The following IGSF9B variants were observed in gnomAD, a reference collection of about 807,000 sequenced individuals.
The protein encoded by IGSF9B is immunoglobulin superfamily member 9B, also known as protein turtle homolog B.
Under a neutral mutation model 143.7 loss-of-function variants are expected in IGSF9B, and 48 were observed. That is an observed-to-expected ratio of 0.33 (90% CI 0.26 to 0.42). The LOEUF is 0.42. Ranked by LOEUF, IGSF9B falls within the 20% of genes least tolerant of loss-of-function variation. The pLI is 1.00. For missense variants in IGSF9B, 1,706 were observed against 1,980.0 expected, an observed-to-expected ratio of 0.86 and a Z score of 2.63; for synonymous variants, 903 against 833.1, an observed-to-expected ratio of 1.08 and a Z score of -1.44.
rs1229883728 is a variant in IGSF9B, at chr11:133,900,090, C to T, written c.*8979G>A. 8.5e-6 allele frequency: 1 copy of T among 117,118 alleles called. No homozygotes were observed. The highest frequency in any genetic ancestry group is 2.1e-5 in the Non-Finnish European group (1 of 48,092). The allele number at this position is 117,118 out of a possible 1,614,324, so 7.3% of individuals were successfully genotyped here. A position where few individuals can be genotyped will look rare whatever the true frequency, so the allele number is the denominator to read the frequency against. ...GTCCATGTAAGGATCAAGAGTTAGA[C>T]TCAAGCTTTACCCCAACCTACTCTT... is the stretch of plus-strand genomic sequence containing the variant. On this transcript the variant is annotated 3_prime_UTR_variant, in exon 20 of 20. Coordinates refer to ENST00000533871, the MANE Select transcript of IGSF9B (RefSeq NM_001277285.4).
At chr11:133,927,515 C>A (rs540525457) in intron 12 of IGSF9B, among the ~76,000 whole-genome samples, 7 of 152,308 alleles carry the variant, frequency 4.6e-5, no homozygotes, top group African/African-American at 1.7e-4. Flanking sequence ...CACACACCCC[C>A]AGGGACAGCT....
chr11:133,911,989 G>T lies in IGSF9B; in HGVS notation c.4002C>A (p.Pro1334=), dbSNP rs1042537013. ...LPTSGTLPPA[P]GNAAAPERLE... ...GCCTCTCAGGCGCAGCAGCGTTCCC[G>T]GGTGCAGGTGGAAGTGTTCTGGAAA... is the stretch of plus-strand genomic sequence containing the variant. Residue 1334 remains proline (P), a synonymous_variant, in exon 19 of 20, where the codon CCC becomes CCA. Coordinates refer to ENST00000533871, the MANE Select transcript of IGSF9B (RefSeq NM_001277285.4). 1.1e-5 allele frequency: 17 copies of T among 1,530,528 alleles called. No individual in the cohort carries two copies. In the East Asian group the frequency reaches 3.2e-4, roughly 29 times the overall value. 94.8% of individuals were successfully genotyped at this position (1,530,528 alleles called of 1,614,324 possible). A position where few individuals can be genotyped will look rare whatever the true frequency, so the allele number is the denominator to read the frequency against.
At position 133,906,092 on chromosome 11, in the gene IGSF9B, G is replaced by A. The variant is rs1939207135; in HGVS notation, c.*2977C>T. ...GCAAGGCCGCCAGACCGTAAAAGGGGAAGTTTGGAAGGCGTGATCTCCTAC... is the reference window on the plus strand; with the variant it reads ...GCAAGGCCGCCAGACCGTAAAAGGGAAAGTTTGGAAGGCGTGATCTCCTAC... On this transcript the variant is annotated 3_prime_UTR_variant, in exon 20 of 20. Coordinates refer to ENST00000533871, the MANE Select transcript of IGSF9B (RefSeq NM_001277285.4). Among the ~76,000 whole-genome samples, 1 of 152,234 alleles carries A rather than the reference G, an allele frequency of 6.6e-6. No individual in the cohort carries two copies. Among genetic ancestry groups the A allele is most frequent in the Admixed American group, 6.5e-5 (1 of 15,286 alleles).
chr11:133,941,810 T>C (rs557919883), intron 3 of IGSF9B, among the ~76,000 whole-genome samples: 1 of 152,276 alleles, frequency 6.6e-6, no homozygotes, highest in East Asian at 1.9e-4. Context: ...AGCACGCTTG[T>C]CCACTCTGGC....
chr11:133,915,678 G>A (rs527672840), intron 18 of IGSF9B, among the ~76,000 whole-genome samples: 1 of 152,326 alleles, frequency 6.6e-6, no homozygotes, highest in Admixed American at 6.5e-5. Flanking sequence ...GTGGAGGCAA[G>A]CCTCAGGACA....
At position 133,929,795 on chromosome 11, in the gene IGSF9B, T is replaced by C. The variant is rs2121307382; in HGVS notation, c.1520-13A>G. Reference sequence around the variant, plus strand: ...TGGGGGCTGGTGCCTGGAGATCAAGTGGAGACCTCTCAGACTGAAAAGAAC... The same window carrying C: ...TGGGGGCTGGTGCCTGGAGATCAAGCGGAGACCTCTCAGACTGAAAAGAAC... On this transcript the variant is annotated splice_polypyrimidine_tract_variant and intron_variant, in intron 11 of 19. Transcript: ENST00000533871. The C allele has an allele frequency of 6.3e-7, 1 of 1,576,370 alleles. No individual in the cohort carries two copies. The highest frequency in any genetic ancestry group is 2.2e-5 in the East Asian group (1 of 44,672).
At chr11:133,947,423 C>G (rs915558476) in intron 1 of IGSF9B, among the ~76,000 whole-genome samples, 1 of 152,228 alleles carries the variant, frequency 6.6e-6, no homozygotes, top group Non-Finnish European at 1.5e-5. Flanking sequence ...CCTTCTGGTC[C>G]CAGGCCGGGC....
intron 1 of IGSF9B, among the ~76,000 whole-genome samples, chr11:133,952,771 G>A (rs2121352134): frequency 6.7e-6 from 1 of 149,760 alleles, no homozygotes; most frequent in East Asian, 1.9e-4. Context: ...GAACATGTGT[G>A]TATGCGCACA....
At chr11:133,910,182 G>A (rs1044697829) in intron 19 of IGSF9B, among the ~76,000 whole-genome samples, 2 of 152,294 alleles carry the variant, frequency 1.3e-5, no homozygotes, top group South Asian at 4.1e-4. Flanking sequence ...GTTTTAATCA[G>A]AAGTGTGTGT....
chr11:133,915,373 A>T (rs2121276374), intron 18 of IGSF9B, among the ~76,000 whole-genome samples: 1 of 144,550 alleles, frequency 6.9e-6, no homozygotes, highest in East Asian at 2.1e-4. Flanking sequence ...AGCTCAGATG[A>T]TCTTCCCACC....
At chr11:133,951,110 C>T (rs1240247879) in intron 1 of IGSF9B, among the ~76,000 whole-genome samples, 6 of 152,244 alleles carry the variant, frequency 3.9e-5, no homozygotes, top group South Asian at 2.1e-4. Context: ...GGGAGGCACA[C>T]GCCCAGAGGA....
intron 17 of IGSF9B, among the ~76,000 whole-genome samples, chr11:133,921,805 T>G (rs1591712838): frequency 6.6e-6 from 1 of 152,068 alleles, no homozygotes; most frequent in Non-Finnish European, 1.5e-5. Context: ...TTCATTCCCC[T>G]CTTTTCAAGA....
intron 1 of IGSF9B, chr11:133,952,200 G>C: frequency 2.6e-6 from 1 of 387,788 alleles, no homozygotes; most frequent in South Asian, 1.9e-5. Context: ...AAATAGGTCA[G>C]CTGCCTCCAG....
Position 133,904,794 on chromosome 11 carries a change from C to T in IGSF9B, c.*4275G>A, listed in dbSNP as rs1029192375. ...CCTCACCAACACCTGGCAAAGCACA[C>T]AGGCCTCCCCTCCACCCTCCAGTTC... is the stretch of plus-strand genomic sequence containing the variant. On this transcript the variant is annotated 3_prime_UTR_variant, in exon 20 of 20. Transcript: ENST00000533871. Among the ~76,000 whole-genome samples the T allele has an allele frequency of 1.3e-5, 2 of 151,848 alleles. No individual in the cohort carries two copies. The highest frequency in any genetic ancestry group is 1.9e-4 in the East Asian group (1 of 5,170).
rs1211870289 is a variant in IGSF9B, at chr11:133,956,920, C to T, written c.-166G>A. 3.1e-5 allele frequency: 12 copies of T among 390,336 alleles called. 1 individual carries two copies. In the Admixed American group the frequency reaches 4.1e-4, roughly 13 times the overall value. 24.2% of individuals were successfully genotyped at this position (390,336 alleles called of 1,614,324 possible). On this transcript the variant is annotated 5_prime_UTR_variant, in exon 1 of 20. Transcript: ENST00000533871. ...AGCTCTCCATCCCTCCTAGGCTCCGCTCGGCTCGGCGCGCGCCTCCCCGGC... is the reference window on the plus strand; with the variant it reads ...AGCTCTCCATCCCTCCTAGGCTCCGTTCGGCTCGGCGCGCGCCTCCCCGGC...
intron 3 of IGSF9B, among the ~76,000 whole-genome samples, chr11:133,942,628 G>A (rs1318211272): frequency 5.9e-5 from 9 of 152,206 alleles, no homozygotes; most frequent in Non-Finnish European, 1.2e-4. Context: ...CTCCCATTCA[G>A]AATAGAGCAC....
intron 12 of IGSF9B, among the ~76,000 whole-genome samples, chr11:133,929,218 C>T (rs570059917): frequency 4.5e-4 from 68 of 152,286 alleles, no homozygotes; most frequent in African/African-American, 1.5e-3. Context: ...AAATATCTCA[C>T]GTACCCCATA....
chr11:133,928,206 C>G lies in IGSF9B; in HGVS notation c.1632-1115G>C, dbSNP rs1187367528. Among the ~76,000 whole-genome samples the G allele has an allele frequency of 2.6e-5, 4 of 152,144 alleles. No individual in the cohort carries two copies. Among genetic ancestry groups the G allele is most frequent in the Non-Finnish European group, 1.5e-5 (1 of 68,036 alleles). ...CATCTCCAAAGACAGCTTGACCACA[C>G]CAAATGTCCCACCCTGGACACCTAG... On this transcript the variant is annotated intron_variant, in intron 12 of 19. Transcript: ENST00000533871. This position sits in a 1 kb window ranked among gnomAD's most constrained non-coding sequence, Gnocchi z 4.7.
In IGSF9B at chr11:133,908,578, CAT is replaced by C. The variant is rs35601094; in HGVS notation, c.*489_*490del. On this transcript the variant is annotated 3_prime_UTR_variant, in exon 20 of 20. Coordinates refer to ENST00000533871, the MANE Select transcript of IGSF9B (RefSeq NM_001277285.4). Reference sequence around the variant, plus strand: ...AGCAACAGCACTTTGCCTCAATGTACATATATATATATATATATACACACATA... The same window carrying C: ...AGCAACAGCACTTTGCCTCAATGTACATATATATATATATATACACACATA... The C allele has an allele frequency of 1.4e-4, 20 of 145,476 alleles. No individual in the cohort carries two copies. The highest frequency in any genetic ancestry group is 2.5e-4 in the African/African-American group (10 of 39,470). The allele number at this position is 145,476 out of a possible 1,614,324, so 9.0% of individuals were successfully genotyped here.
Sources: gnomAD v4.1 joint callset for allele counts (sites outside exome capture counted in the v4.1 genomes callset) on GRCh38, gnomAD v4.1.1 for gene constraint, Gnocchi (gnomAD v3.1) non-coding constraint, MANE v1.5 for transcripts, NCBI Gene and HGNC (gene_info 2026-07-23, HGNC 2026-07-21) for gene names.